PBX1: variants seen among roughly 807,000 people sequenced by gnomAD.
The protein encoded by PBX1 is PBX homeobox 1.
In PBX1, 6 loss-of-function variants were observed where a neutral mutation model predicts 53.4. The ratio of observed to expected loss-of-function variants is 0.11; its 90% confidence interval spans 0.06 to 0.22. PBX1 has a LOEUF of 0.22. Among genes scored for constraint, PBX1 ranks in the 10% least tolerant of loss-of-function variants. The probability of loss-of-function intolerance (pLI) is 1.00; values close to 1 mark genes in which losing one functional copy is unlikely to be tolerated. For synonymous variants in PBX1, 204 were observed against 212.3 expected (o/e 0.96, Z 0.34); for missense variants, 251 against 551.4 (o/e 0.46, Z 5.46).
intron 2 of PBX1, among the ~76,000 whole-genome samples, chr1:164,646,766 CT>C (rs61202837): frequency 3.9e-4 from 60 of 152,322 alleles, no homozygotes; most frequent in African/African-American, 1.3e-3. Context: ...CGCCATGTCT[CT>C]TTATTTTTCT....
chr1:164,777,129 G>C (rs964729220), intron 2 of PBX1, among the ~76,000 whole-genome samples: 1 of 152,110 alleles, frequency 6.6e-6, no homozygotes, highest in Non-Finnish European at 1.5e-5. Flanking sequence ...ATTCACCTTA[G>C]CATCTTTGAA....
chr1:164,655,997 A>G (rs1660142040), intron 2 of PBX1, among the ~76,000 whole-genome samples: 1 of 151,830 alleles, frequency 6.6e-6, no homozygotes. Flanking sequence ...TGGAGATTAT[A>G]TAGACAGTTA....
intron 2 of PBX1, among the ~76,000 whole-genome samples, chr1:164,760,781 G>C (rs186889021): frequency 6.6e-6 from 1 of 152,274 alleles, no homozygotes; most frequent in Admixed American, 6.5e-5. Flanking sequence ...GTAGGGAGCT[G>C]AGATTTGTCT....
At chr1:164,803,208 TA>T (rs913475754) in intron 4 of PBX1, among the ~76,000 whole-genome samples, 2 of 152,114 alleles carry the variant, frequency 1.3e-5, no homozygotes, top group Non-Finnish European at 2.9e-5. Flanking sequence ...AAAGTGCATA[TA>T]AAGGTGGGTC....
chr1:164,718,213 A>G lies in PBX1; in HGVS notation c.266-74281A>G, dbSNP rs558758905. On this transcript the variant is annotated intron_variant, in intron 2 of 8. Transcript: ENST00000420696. Reference sequence around the variant, plus strand: ...TTTTGACTCTAAATTTGCCATATACATTAATGTGTAATAAAAACTTGCATT... The same window carrying G: ...TTTTGACTCTAAATTTGCCATATACGTTAATGTGTAATAAAAACTTGCATT... Among the ~76,000 whole-genome samples the G allele has an allele frequency of 1.5e-4, 23 of 152,356 alleles. No individual in the cohort carries two copies. In the South Asian group the frequency reaches 4.3e-3, roughly 29 times the overall value.
intron 2 of PBX1, among the ~76,000 whole-genome samples, chr1:164,757,081 A>T (rs1163024410): frequency 6.6e-6 from 1 of 152,106 alleles, no homozygotes; most frequent in Non-Finnish European, 1.5e-5. Context: ...ACAAATATTT[A>T]TAGGGCCTCC....
chr1:164,697,765 G>A (rs1482163958), intron 2 of PBX1, among the ~76,000 whole-genome samples: 1 of 152,186 alleles, frequency 6.6e-6, no homozygotes, highest in African/African-American at 2.4e-5. Flanking sequence ...TTTAAAATAA[G>A]GATATAATAT....
chr1:164,620,309 C>A (rs1441004198), intron 2 of PBX1, among the ~76,000 whole-genome samples: 2 of 152,240 alleles, frequency 1.3e-5, no homozygotes, highest in African/African-American at 4.8e-5. Context: ...CTTATTCAAG[C>A]AGATTTCATA....
chr1:164,740,529 A>T (rs1392590533), intron 2 of PBX1, among the ~76,000 whole-genome samples: 2 of 152,282 alleles, frequency 1.3e-5, no homozygotes, highest in East Asian at 3.9e-4. Flanking sequence ...ATCTTTGGTG[A>T]TGGTAGGCTG....
intron 2 of PBX1, among the ~76,000 whole-genome samples, chr1:164,728,573 T>C (rs1664821488): frequency 6.6e-6 from 1 of 152,216 alleles, no homozygotes. Flanking sequence ...AGAATTATAA[T>C]GTATTTTGAT....
intron 2 of PBX1, among the ~76,000 whole-genome samples, chr1:164,604,990 C>T (rs529021139): frequency 3.7e-4 from 57 of 152,154 alleles, no homozygotes; most frequent in African/African-American, 1.3e-3. Flanking sequence ...TGCTGTGTGC[C>T]GTGTATGGAA....
chr1:164,590,212 G>GA (rs35639960), intron 2 of PBX1: 143,125 of 337,986 alleles, frequency 0.42, 15,870 homozygotes, highest in East Asian at 0.54. Flanking sequence ...ACCCTGTGTT[G>GA]AAAAAAAAAA....
At chr1:164,624,482 G>A (rs1297055292) in intron 2 of PBX1, among the ~76,000 whole-genome samples, 1 of 152,162 alleles carries the variant, frequency 6.6e-6, no homozygotes, top group Non-Finnish European at 1.5e-5. Flanking sequence ...CCTTCAGCTG[G>A]TATCTTTCTT....
intron 2 of PBX1, among the ~76,000 whole-genome samples, chr1:164,588,372 G>GA (rs1553211902): frequency 7.2e-6 from 1 of 139,202 alleles, no homozygotes; most frequent in African/African-American, 2.6e-5. Context: ...AGGATTTGGG[G>GA]AAAAAAAATC....
At chr1:164,667,430 G>GTA (rs1373924255) in intron 2 of PBX1, among the ~76,000 whole-genome samples, 1 of 148,760 alleles carries the variant, frequency 6.7e-6, no homozygotes, top group African/African-American at 2.5e-5. Context: ...GTGTGTGTGT[G>GTA]TGTATATATG....
chr1:164,623,159 A>C (rs1657801695), intron 2 of PBX1, among the ~76,000 whole-genome samples: 1 of 152,084 alleles, frequency 6.6e-6, no homozygotes, highest in African/African-American at 2.4e-5. Context: ...TCTTCTCTAG[A>C]TGTAGCATGT....
intron 8 of PBX1, among the ~76,000 whole-genome samples, chr1:164,840,623 G>T (rs1671246352): frequency 6.6e-6 from 1 of 152,060 alleles, no homozygotes; most frequent in African/African-American, 2.4e-5. Flanking sequence ...CTAAGCTGTG[G>T]CACTGCAACT....
In PBX1 at chr1:164,737,019, C is replaced by T. The variant is rs556734284; in HGVS notation, c.266-55475C>T. Among the ~76,000 whole-genome samples, 15 of 152,274 alleles carry T rather than the reference C, an allele frequency of 9.9e-5. No homozygotes were observed. In the South Asian group the frequency reaches 2.1e-3, roughly 21 times the overall value. ...TATGAGATGAGATAGGATTCAGTGC[C>T]GTTGACAGAGACCCAAGGAGACAAG... On this transcript the variant is annotated intron_variant, in intron 2 of 8. Coordinates refer to ENST00000420696, the MANE Select transcript of PBX1 (RefSeq NM_002585.4).
chr1:164,598,628 CTGATTGCATT>C (rs1256037504), intron 2 of PBX1, among the ~76,000 whole-genome samples: 38 of 152,158 alleles, frequency 2.5e-4, no homozygotes, highest in Admixed American at 1.8e-3. Context: ...CTTGAAAAAC[CTGATTGCATT>C]TGATTTTGTC....
Sources: gnomAD v4.1 joint callset for allele counts (sites outside exome capture counted in the v4.1 genomes callset) on GRCh38, gnomAD v4.1.1 for gene constraint, MANE v1.5 for transcripts, NCBI Gene and HGNC (gene_info 2026-07-23, HGNC 2026-07-21) for gene names.